CNTNAP5: variants seen among roughly 807,000 people sequenced by gnomAD.
CNTNAP5 encodes the protein contactin-associated protein-like 5.
In CNTNAP5, 72 loss-of-function variants were observed where a neutral mutation model predicts 150.2. The ratio of observed to expected loss-of-function variants is 0.48; its 90% CI spans 0.40 to 0.58. CNTNAP5 has a LOEUF of 0.58. Among genes scored for constraint, CNTNAP5 ranks in the 20% least tolerant of loss-of-function variants. The pLI is 0.00. For missense variants in CNTNAP5, 1,636 were observed against 1,626.2 expected (o/e 1.01, Z -0.10); for synonymous variants, 672 against 619.8 (o/e 1.08, Z -1.25).
chr2:124,728,850 T>C (rs1680212665), intron 13 of CNTNAP5, among the ~76,000 whole-genome samples: 1 of 152,116 alleles, frequency 6.6e-6, no homozygotes, highest in Non-Finnish European at 1.5e-5. Flanking sequence ...ATCCAATTTG[T>C]AAACTAAACT....
intron 6 of CNTNAP5, among the ~76,000 whole-genome samples, chr2:124,468,279 C>T (rs1693428239): frequency 6.6e-6 from 1 of 152,084 alleles, no homozygotes; most frequent in African/African-American, 2.4e-5. Context: ...GGTAGTGGCT[C>T]AGTCCAAGTC....
At chr2:124,565,539 A>C (rs1206587695) in intron 11 of CNTNAP5, among the ~76,000 whole-genome samples, 1 of 146,114 alleles carries the variant, frequency 6.8e-6, no homozygotes, top group Non-Finnish European at 1.5e-5. Flanking sequence ...AGAACAATAG[A>C]ATAACAGAGA....
At chr2:124,232,370 A>G (rs930795074) in intron 2 of CNTNAP5, among the ~76,000 whole-genome samples, 3 of 152,184 alleles carry the variant, frequency 2.0e-5, no homozygotes, top group African/African-American at 7.2e-5. Flanking sequence ...GGGAATAGTT[A>G]GAAGGAGTCT....
At chr2:124,077,355 G>C (rs183213330) in intron 1 of CNTNAP5, among the ~76,000 whole-genome samples, 1 of 152,036 alleles carries the variant, frequency 6.6e-6, no homozygotes. Context: ...CTTGCTAATA[G>C]GTCATTCTCC....
At chr2:124,820,613 G>C (rs113993505) in intron 19 of CNTNAP5, among the ~76,000 whole-genome samples, 1 of 152,098 alleles carries the variant, frequency 6.6e-6, no homozygotes, top group Non-Finnish European at 1.5e-5. Context: ...TGGAGTTCTT[G>C]TATCAGTGGA....
chr2:124,125,588 A>C (rs1206389482), intron 1 of CNTNAP5, among the ~76,000 whole-genome samples: 1 of 152,148 alleles, frequency 6.6e-6, no homozygotes, highest in Admixed American at 6.5e-5. Context: ...AGAACTCTCC[A>C]CCCCAAATCA....
At chr2:124,815,021 C>T (rs996431909) in intron 19 of CNTNAP5, among the ~76,000 whole-genome samples, 2 of 152,116 alleles carry the variant, frequency 1.3e-5, no homozygotes, top group African/African-American at 4.8e-5. Flanking sequence ...AGATGAAGTG[C>T]CTGCTAGTCT....
At chr2:124,084,446 C>T (rs1012587951) in intron 1 of CNTNAP5, among the ~76,000 whole-genome samples, 4 of 151,826 alleles carry the variant, frequency 2.6e-5, no homozygotes, top group African/African-American at 7.2e-5. Flanking sequence ...TTTGTATTTT[C>T]GGTAGACATG....
At chr2:124,048,376 T>C (rs557272134) in intron 1 of CNTNAP5, among the ~76,000 whole-genome samples, 4 of 152,348 alleles carry the variant, frequency 2.6e-5, no homozygotes, top group South Asian at 2.1e-4. Flanking sequence ...CAGTTAATAC[T>C]GATATGCCAT....
chr2:124,323,513 A>G (rs1427050843), intron 3 of CNTNAP5, among the ~76,000 whole-genome samples: 2 of 152,182 alleles, frequency 1.3e-5, no homozygotes, highest in East Asian at 3.9e-4. Context: ...CAGAGGTTCC[A>G]TCTACAGGAG....
At chr2:124,565,431 C>A (rs1329201919) in intron 11 of CNTNAP5, among the ~76,000 whole-genome samples, 1 of 151,494 alleles carries the variant, frequency 6.6e-6, no homozygotes, top group Admixed American at 6.6e-5. Flanking sequence ...TATGCCGGTA[C>A]CAAAATATCT....
At chr2:124,357,247 T>G (rs192659188) in intron 3 of CNTNAP5, among the ~76,000 whole-genome samples, 4 of 152,314 alleles carry the variant, frequency 2.6e-5, no homozygotes, top group African/African-American at 7.2e-5. Context: ...TTTCTCCCAC[T>G]TTTTAGGTTG....
chr2:124,780,542 G>GATAAAGATAAA (rs1247727367), intron 17 of CNTNAP5, among the ~76,000 whole-genome samples: 1 of 152,124 alleles, frequency 6.6e-6, no homozygotes, highest in Non-Finnish European at 1.5e-5. Context: ...AAAGATAAAG[G>GATAAAGATAAA]GATTTCAAAA....
At position 124,064,984 on chromosome 2, in the gene CNTNAP5, A is replaced by T. The variant is rs1682118332; in HGVS notation, c.82+39252A>T. Among the ~76,000 whole-genome samples, 2 of 152,080 alleles carry T rather than the reference A, an allele frequency of 1.3e-5. 1 individual carries two copies. Among genetic ancestry groups the T allele is most frequent in the South Asian group, 4.1e-4 (2 of 4,822 alleles). ...CTCTGTACTTACATTATCTCACTCT[A>T]GTATAATTATTTGTTGGATTAATTC... On this transcript the variant is annotated intron_variant, in intron 1 of 23. Transcript: ENST00000682447.
intron 1 of CNTNAP5, among the ~76,000 whole-genome samples, chr2:124,052,789 A>C (rs1291322300): frequency 6.6e-6 from 1 of 152,158 alleles, no homozygotes; most frequent in Admixed American, 6.5e-5. Context: ...CCTCCTTTGC[A>C]GCTCTGAAAT....
At chr2:124,635,772 T>C (rs1677958075) in intron 12 of CNTNAP5, among the ~76,000 whole-genome samples, 1 of 152,192 alleles carries the variant, frequency 6.6e-6, no homozygotes. Flanking sequence ...GTCCTTGTTC[T>C]GGGAAGTAGG....
At chr2:124,047,809 G>A (rs933101983) in intron 1 of CNTNAP5, among the ~76,000 whole-genome samples, 4 of 152,098 alleles carry the variant, frequency 2.6e-5, no homozygotes, top group Non-Finnish European at 4.4e-5. Context: ...AGTGTCTGTT[G>A]TGTGTAGACA....
At chr2:124,777,197 A>G (rs1357011434) in intron 17 of CNTNAP5, among the ~76,000 whole-genome samples, 1 of 151,886 alleles carries the variant, frequency 6.6e-6, no homozygotes, top group African/African-American at 2.4e-5. Flanking sequence ...AGCACCAGTG[A>G]TCCACAAAAT....
At chr2:124,674,000 A>T (rs1678875472) in intron 13 of CNTNAP5, among the ~76,000 whole-genome samples, 1 of 152,124 alleles carries the variant, frequency 6.6e-6, no homozygotes, top group Non-Finnish European at 1.5e-5. Flanking sequence ...ACATATTTTC[A>T]GTCATTCCCC....
Sources: allele counts gnomAD v4.1 joint callset (sites outside exome capture counted in the v4.1 genomes callset), GRCh38; gene constraint gnomAD v4.1.1; transcripts MANE v1.5; gene names NCBI Gene and HGNC (gene_info 2026-07-23, HGNC 2026-07-21).